Variants in ATXN7 observed in about 807,000 individuals in gnomAD.
ATXN7 encodes ataxin-7.
A neutral mutation model predicts 70.5 loss-of-function variants in ATXN7; 12 were observed. That is an observed-to-expected ratio of 0.17 (90% CI 0.11 to 0.28). ATXN7 has a LOEUF of 0.28. Ranked by LOEUF, ATXN7 falls within the 10% of genes least tolerant of loss-of-function variation. The probability of loss-of-function intolerance (pLI) is 1.00; values close to 1 mark genes in which losing one functional copy is unlikely to be tolerated. For synonymous variants in ATXN7, 498 were observed against 448.7 expected (o/e 1.11, Z -1.39); for missense variants, 1,256 against 1,131.7 (o/e 1.11, Z -1.58).
At chr3:63,930,204 CAG>C (rs1034781977) in intron 4 of ATXN7, among the ~76,000 whole-genome samples, 63 of 152,278 alleles carry the variant, frequency 4.1e-4, no homozygotes, top group African/African-American at 1.5e-3. Context: ...TGTTCAGAGA[CAG>C]ATTTTCCTTG....
intron 12 of ATXN7, 138 bp downstream of exon 12, chr3:63,996,621 A>G (rs1213964130): frequency 1.6e-6 from 1 of 617,536 alleles, no homozygotes; most frequent in Non-Finnish European, 2.3e-6. Context: ...TCTTCTTAAA[A>G]AAAAAAAAAA....
At chr3:63,941,759 A>G (rs765068864) in intron 4 of ATXN7, among the ~76,000 whole-genome samples, 1 of 152,022 alleles carries the variant, frequency 6.6e-6, no homozygotes, top group African/African-American at 2.4e-5. Context: ...AGGGAAATCC[A>G]GTTATCTTTA....
At position 64,002,706 on chromosome 3, in the gene ATXN7, G is replaced by A. The variant is rs2075846698; in HGVS notation, c.*3239G>A. The A allele has an allele frequency of 6.6e-6, 1 of 152,098 alleles. No homozygotes were observed. Among genetic ancestry groups the A allele is most frequent in the African/African-American group, 2.4e-5 (1 of 41,402 alleles). The allele number at this position is 152,098 out of a possible 1,614,324, so 9.4% of individuals were successfully genotyped here. A position where few individuals can be genotyped will look rare whatever the true frequency, so the allele number is the denominator to read the frequency against. On this transcript the variant is annotated 3_prime_UTR_variant, in exon 13 of 13. Transcript: ENST00000674280. ...TTGTTTCTAAAATTTTAGGGGCGGAGTTGAAAACCACCAATGCTGGTAATT... is the reference window on the plus strand; with the variant it reads ...TTGTTTCTAAAATTTTAGGGGCGGAATTGAAAACCACCAATGCTGGTAATT...
intron 8 of ATXN7, among the ~76,000 whole-genome samples, chr3:63,987,087 A>G (rs2075589997): frequency 6.6e-6 from 1 of 152,206 alleles, no homozygotes; most frequent in African/African-American, 2.4e-5. Context: ...ATTGGACTCA[A>G]CTGCCAATAA....
intron 5 of ATXN7, among the ~76,000 whole-genome samples, chr3:63,952,685 CTT>C (rs1295012653): frequency 6.6e-6 from 1 of 151,852 alleles, no homozygotes; most frequent in East Asian, 1.9e-4. Flanking sequence ...AATTTTTTGA[CTT>C]TTATTGAAAT....
chr3:63,934,236 A>G (rs1251416147), intron 4 of ATXN7, among the ~76,000 whole-genome samples: 1 of 151,784 alleles, frequency 6.6e-6, no homozygotes, highest in African/African-American at 2.4e-5. Context: ...CCCACAGCCT[A>G]CTCATTCCTG....
chr3:63,971,730 A>T (rs927080137), intron 5 of ATXN7, among the ~76,000 whole-genome samples: 3 of 152,150 alleles, frequency 2.0e-5, no homozygotes, highest in Non-Finnish European at 4.4e-5. Flanking sequence ...CAGAGATATT[A>T]TTGCTTAGGA....
At chr3:63,877,263 A>G (rs1702772282) in intron 1 of ATXN7, among the ~76,000 whole-genome samples, 1 of 152,224 alleles carries the variant, frequency 6.6e-6, no homozygotes, top group Non-Finnish European at 1.5e-5. Context: ...AAGTGTTTGT[A>G]GAAAACTCAG....
intron 4 of ATXN7, among the ~76,000 whole-genome samples, chr3:63,947,240 C>T (rs2074878935): frequency 6.6e-6 from 1 of 152,100 alleles, no homozygotes; most frequent in African/African-American, 2.4e-5. Context: ...GTCTTTCTGT[C>T]CTTTGAAGTA....
At chr3:63,876,012 A>T (rs772732738) in intron 1 of ATXN7, among the ~76,000 whole-genome samples, 1 of 152,044 alleles carries the variant, frequency 6.6e-6, no homozygotes, top group African/African-American at 2.4e-5. Context: ...TCTTTTTCTA[A>T]TTTGTTTCAG....
intron 1 of ATXN7, among the ~76,000 whole-genome samples, chr3:63,884,644 TTTTC>T (rs1468250973): frequency 6.6e-6 from 1 of 151,890 alleles, no homozygotes; most frequent in East Asian, 1.9e-4. Flanking sequence ...ATCTTTTTTT[TTTTC>T]TTTCTTATTT....
chr3:63,941,999 C>G (rs1382330089), intron 4 of ATXN7, among the ~76,000 whole-genome samples: 2 of 152,218 alleles, frequency 1.3e-5, no homozygotes, highest in Non-Finnish European at 2.9e-5. Flanking sequence ...CCTTCCTCTT[C>G]TCTCTGGTTT....
Position 63,982,432 on chromosome 3 carries a change from TAAG to T in ATXN7, c.1001_1003del (p.Lys334del), listed in dbSNP as rs1477512453. 1 of 1,605,706 alleles carries T rather than the reference TAAG, an allele frequency of 6.2e-7. No homozygotes were observed. Among genetic ancestry groups the T allele is most frequent in the South Asian group, 1.1e-5 (1 of 90,442 alleles). On this transcript the variant is annotated inframe_deletion, in exon 7 of 13. Transcript: ENST00000674280. ...ATTCCAATAATAGGAAATTTTTAAA[TAAG>T]AGATTATCAGGTAACTTCAAATTTT...
At chr3:63,978,925 T>C (rs928872959) in intron 5 of ATXN7, among the ~76,000 whole-genome samples, 3 of 152,232 alleles carry the variant, frequency 2.0e-5, no homozygotes, top group Admixed American at 6.5e-5. Flanking sequence ...TAAATACTTA[T>C]ATAGCTCCTG....
At chr3:63,876,395 T>C (rs1240856359) in intron 1 of ATXN7, among the ~76,000 whole-genome samples, 1 of 152,118 alleles carries the variant, frequency 6.6e-6, no homozygotes, top group Non-Finnish European at 1.5e-5. Context: ...TAACTATAAA[T>C]CATTTGCAGA....
At chr3:63,952,585 C>T (rs989823637) in intron 5 of ATXN7, 102 bp downstream of exon 5, 66 of 644,420 alleles carry the variant, frequency 1.0e-4, no homozygotes, top group Non-Finnish European at 3.9e-5. Flanking sequence ...AATGTCCCTC[C>T]CCCACCAGGA....
intron 5 of ATXN7, among the ~76,000 whole-genome samples, chr3:63,955,820 A>T (rs1288615083): frequency 6.6e-6 from 1 of 152,192 alleles, no homozygotes; most frequent in Non-Finnish European, 1.5e-5. Flanking sequence ...GACTTTTATG[A>T]ACAAATGAAT....
chr3:63,946,856 A>G (rs2074872842), intron 4 of ATXN7, among the ~76,000 whole-genome samples: 1 of 152,012 alleles, frequency 6.6e-6, no homozygotes, highest in African/African-American at 2.4e-5. Flanking sequence ...ATTGCTTTAC[A>G]AGTTTGTGGG....
chr3:63,936,271 A>G (rs1404840481), intron 4 of ATXN7, among the ~76,000 whole-genome samples: 1 of 152,112 alleles, frequency 6.6e-6, no homozygotes, highest in Admixed American at 6.5e-5. Context: ...TTCATACAAT[A>G]AGGCCTCTAA....
Sources: allele counts gnomAD v4.1 joint callset (sites outside exome capture counted in the v4.1 genomes callset), GRCh38; gene constraint gnomAD v4.1.1; transcripts MANE v1.5; gene names NCBI Gene and HGNC (gene_info 2026-07-23, HGNC 2026-07-21).